Variants in SAMD8 observed in about 807,000 individuals in gnomAD.
SAMD8 encodes the protein sterile alpha motif domain containing 8.
SAMD8 carries 20 observed loss-of-function variants against 42.0 expected under a neutral mutation model. The observed-to-expected ratio is 0.48, with a 90% CI of 0.34 to 0.69. SAMD8 has a LOEUF of 0.69. SAMD8 is among the 30% of genes least tolerant of loss of function. SAMD8 has a pLI of 0.01. For synonymous variants in SAMD8, 162 were observed against 173.0 expected (o/e 0.94, Z 0.50); for missense variants, 328 against 511.6 (o/e 0.64, Z 3.46).
chr10:75,141,643 G>C (rs901991365), intron 1 of SAMD8, among the ~76,000 whole-genome samples: 1 of 150,130 alleles, frequency 6.7e-6, no homozygotes, highest in Non-Finnish European at 1.5e-5. Context: ...CCGGGTTCAC[G>C]CCATTCTCCT....
At chr10:75,121,495 A>G (rs1849004107) in intron 1 of SAMD8, among the ~76,000 whole-genome samples, 2 of 152,128 alleles carry the variant, frequency 1.3e-5, no homozygotes, top group African/African-American at 4.8e-5. Flanking sequence ...TAATGTTTCA[A>G]ATTACTTTCT....
At chr10:75,166,612 G>A (rs1034238367) in intron 3 of SAMD8, among the ~76,000 whole-genome samples, 8 of 152,010 alleles carry the variant, frequency 5.3e-5, no homozygotes, top group Non-Finnish European at 5.9e-5. Flanking sequence ...ATACTTTTAG[G>A]CCACATTGAG....
intron 1 of SAMD8, among the ~76,000 whole-genome samples, chr10:75,133,991 T>A (rs1406732668): frequency 2.0e-5 from 3 of 152,238 alleles, no homozygotes; most frequent in South Asian, 2.1e-4. Flanking sequence ...TTGGGTTGAT[T>A]CCATGTCTTT....
At position 75,179,653 on chromosome 10, in the gene SAMD8, T is replaced by G. The variant is rs1259554318; in HGVS notation, c.*2961T>G. ...TTGGAAAACATTGAGACAAATTTAT[T>G]TTCAGTTTTACTTAAACATGAAACC... On this transcript the variant is annotated 3_prime_UTR_variant, in exon 6 of 6. Coordinates refer to ENST00000542569, the MANE Select transcript of SAMD8 (RefSeq NM_001174156.2). 1 of 152,264 alleles carries G rather than the reference T, an allele frequency of 6.6e-6. No homozygotes were observed. The highest frequency in any genetic ancestry group is 1.5e-5 in the Non-Finnish European group (1 of 68,048). The allele number at this position is 152,264 out of a possible 1,614,324, so 9.4% of individuals were successfully genotyped here.
In SAMD8 at chr10:75,164,628, A is replaced by AT. The variant is rs780449432; in HGVS notation, c.579-10dup. The stretch of plus-strand genomic sequence containing the variant: ...ATGTATACTTCTTCAATTCAAAATC[A>AT]TTTTTTTCTGTTCCAGCGTTCCTAG... On this transcript the variant is annotated splice_polypyrimidine_tract_variant and intron_variant, in intron 2 of 5. Coordinates refer to ENST00000542569, the MANE Select transcript of SAMD8 (RefSeq NM_001174156.2). The AT allele has an allele frequency of 6.2e-7, 1 of 1,611,300 alleles. No individual in the cohort carries two copies. Among genetic ancestry groups the AT allele is most frequent in the South Asian group, 1.1e-5 (1 of 90,860 alleles).
At chr10:75,115,887 G>GCCTC (rs1848869856) in intron 1 of SAMD8, among the ~76,000 whole-genome samples, 1 of 149,764 alleles carries the variant, frequency 6.7e-6, no homozygotes, top group South Asian at 2.1e-4. Context: ...CTTGCAGTGA[G>GCCTC]CGGAGATCAC....
At chr10:75,154,274 A>T (rs1403887166) in intron 2 of SAMD8, among the ~76,000 whole-genome samples, 4 of 152,234 alleles carry the variant, frequency 2.6e-5, no homozygotes, top group Non-Finnish European at 4.4e-5. Context: ...ATTTCTCCAA[A>T]GTAAGGAGAA....
chr10:75,102,947 C>T (rs1024047056), intron 1 of SAMD8, among the ~76,000 whole-genome samples: 11 of 152,008 alleles, frequency 7.2e-5, no homozygotes, highest in South Asian at 2.1e-4. Context: ...AACGAAACTC[C>T]GTCTCCAAAA....
intron 4 of SAMD8, among the ~76,000 whole-genome samples, chr10:75,169,817 G>A (rs1403349319): frequency 6.6e-6 from 1 of 151,906 alleles, no homozygotes. Context: ...GCTGAGGCAT[G>A]AGAGTCACTT....
intron 1 of SAMD8, among the ~76,000 whole-genome samples, chr10:75,147,936 A>C (rs1840181783): frequency 6.6e-6 from 1 of 152,204 alleles, no homozygotes; most frequent in African/African-American, 2.4e-5. Context: ...GGTGGTGATG[A>C]TATGCTACAG....
intron 1 of SAMD8, chr10:75,102,048 T>G: frequency 9.8e-7 from 1 of 1,022,808 alleles, no homozygotes; most frequent in Non-Finnish European, 1.4e-6. Context: ...TGTCCACTGG[T>G]TCCATGGCAT....
At chr10:75,133,500 C>T (rs1430684099) in intron 1 of SAMD8, among the ~76,000 whole-genome samples, 2 of 152,216 alleles carry the variant, frequency 1.3e-5, no homozygotes, top group Non-Finnish European at 2.9e-5. Context: ...AGAGATACTG[C>T]ACTCTCATGT....
chr10:75,153,139 G>A (rs10824284), intron 2 of SAMD8, among the ~76,000 whole-genome samples: 28,606 of 151,448 alleles, frequency 0.19, 2,956 homozygotes, highest in East Asian at 0.26. Context: ...CCACCACCAC[G>A]ACCGGCTAAT....
At chr10:75,111,864 G>T in intron 1 of SAMD8, 142 bp downstream of exon 1, 1 of 1,019,526 alleles carries the variant, frequency 9.8e-7, no homozygotes, top group Non-Finnish European at 1.3e-6. Context: ...AGGGAACCGG[G>T]ATAGTCAGCT....
chr10:75,118,898 A>G (rs954503174), intron 1 of SAMD8, among the ~76,000 whole-genome samples: 1 of 152,172 alleles, frequency 6.6e-6, no homozygotes, highest in Non-Finnish European at 1.5e-5. Flanking sequence ...GTTCTGGTTT[A>G]TGGATCTGCA....
chr10:75,134,142 A>G (rs1473654793), intron 1 of SAMD8, among the ~76,000 whole-genome samples: 1 of 152,144 alleles, frequency 6.6e-6, no homozygotes, highest in Non-Finnish European at 1.5e-5. Flanking sequence ...GTGAGAGCAC[A>G]TGTACACAGG....
chr10:75,166,888 G>A (rs1840694951), intron 3 of SAMD8, among the ~76,000 whole-genome samples: 1 of 152,210 alleles, frequency 6.6e-6, no homozygotes, highest in Admixed American at 6.5e-5. Flanking sequence ...TTCTCAAAGT[G>A]TTTGTACCAC....
At chr10:75,146,872 T>C (rs1036169513) in intron 1 of SAMD8, among the ~76,000 whole-genome samples, 1 of 152,214 alleles carries the variant, frequency 6.6e-6, no homozygotes, top group African/African-American at 2.4e-5. Context: ...TTAATATACC[T>C]CTTTCATGCA....
At chr10:75,169,272 G>A (rs1358168609) in intron 4 of SAMD8, among the ~76,000 whole-genome samples, 2 of 150,692 alleles carry the variant, frequency 1.3e-5, no homozygotes, top group Non-Finnish European at 3.0e-5. Flanking sequence ...GGATCACGAG[G>A]TCAGGAGTTT....
Sources: allele counts gnomAD v4.1 joint callset (sites outside exome capture counted in the v4.1 genomes callset), GRCh38; gene constraint gnomAD v4.1.1; transcripts MANE v1.5; gene names NCBI Gene and HGNC (gene_info 2026-07-23, HGNC 2026-07-21).